Variants in MAP3K8 observed in about 807,000 individuals in gnomAD.
MAP3K8 encodes the protein mitogen-activated protein kinase kinase kinase 8.
In MAP3K8, 22 loss-of-function variants were observed where a neutral mutation model predicts 45.8. That is an observed-to-expected ratio of 0.48 (90% confidence interval 0.34 to 0.69). The LOEUF (loss-of-function observed/expected upper bound fraction) is 0.69, where lower values mean the gene tolerates loss of function less well. MAP3K8 is among the 30% of genes least tolerant of loss of function. The pLI, the probability that MAP3K8 is intolerant of heterozygous loss-of-function variation, is 0.01. For missense variants in MAP3K8, 419 were observed against 585.0 expected (o/e 0.72, Z 2.93); for synonymous variants, 223 against 214.3 (o/e 1.04, Z -0.36).
At chr10:30,442,912 G>A (rs1404665404) in intron 3 of MAP3K8, among the ~76,000 whole-genome samples, 3 of 152,110 alleles carry the variant, frequency 2.0e-5, no homozygotes, top group Non-Finnish European at 4.4e-5. Flanking sequence ...AAATCACCCT[G>A]TTCATCATCT....
intron 1 of MAP3K8, chr10:30,434,607 C>G: frequency 1.0e-6 from 1 of 985,946 alleles, no homozygotes; most frequent in South Asian, 4.7e-5. Context: ...CGCGACTCCT[C>G]CCCCTTCCTC....
chr10:30,445,094 C>T (rs1043672449), intron 3 of MAP3K8, among the ~76,000 whole-genome samples: 1 of 152,180 alleles, frequency 6.6e-6, no homozygotes, highest in Non-Finnish European at 1.5e-5. Context: ...TAAGAGGACA[C>T]TGGTTCGAGG....
At chr10:30,446,633 T>C (rs1836350054) in intron 3 of MAP3K8, among the ~76,000 whole-genome samples, 1 of 152,114 alleles carries the variant, frequency 6.6e-6, no homozygotes, top group Non-Finnish European at 1.5e-5. Context: ...AAACTGGTAC[T>C]GAGGCGATTT....
intron 3 of MAP3K8, 23 bp from the exon 4 acceptor site, chr10:30,447,759 C>G: frequency 6.2e-7 from 1 of 1,606,988 alleles, no homozygotes; most frequent in African/African-American, 1.3e-5. Flanking sequence ...TTCTCACCGT[C>G]TCACATTTTT....
rs1286537876 is a variant in MAP3K8, at chr10:30,460,698, C to T, written c.1274-8C>T. On this transcript the variant is annotated splice_polypyrimidine_tract_variant and splice_region_variant and intron_variant, in intron 8 of 8. Transcript: ENST00000263056. ...TTGTTACTTACTTTGTAATGTTTTC[C>T]TTTTCAGATTCTTCGTGCACAGGAA... 3.8e-6 allele frequency: 6 copies of T among 1,598,166 alleles called. No homozygotes were observed. The African/African-American group carries it at 5.4e-5, about 14-fold the overall frequency.
chr10:30,458,901 C>G lies in MAP3K8; in HGVS notation c.1027-354C>G, dbSNP rs372942590. On this transcript the variant is annotated intron_variant, in intron 7 of 8. Coordinates refer to ENST00000263056, the MANE Select transcript of MAP3K8 (RefSeq NM_005204.4). ...ACCAGCCTGGGCAACAAAGCAAGACCCCATCGCTACAAAAAATTAAAAAAA... is the reference window on the plus strand; with the variant it reads ...ACCAGCCTGGGCAACAAAGCAAGACGCCATCGCTACAAAAAATTAAAAAAA... 1.7e-4 allele frequency among the ~76,000 whole-genome samples: 26 copies of G among 152,168 alleles called. No individual in the cohort carries two copies. The East Asian group carries it at 3.1e-3, about 18-fold the overall frequency.
At position 30,460,829 on chromosome 10, in the gene MAP3K8, A is replaced by G. The variant is rs753558022; in HGVS notation, c.1397A>G (p.Tyr466Cys). 3.1e-6 allele frequency: 5 copies of G among 1,613,496 alleles called. No homozygotes were observed. Among genetic ancestry groups the G allele is most frequent in the South Asian group, 1.1e-5 (1 of 91,068 alleles). Reference protein sequence around the residue: ...NLVRGPPTLEYG With the variant: ...NLVRGPPTLECG ...GTTCGGGGACCACCAACGCTTGAATATGGCTGAAGGATGCCATGTTTGCTC... is the reference window on the plus strand; with the variant it reads ...GTTCGGGGACCACCAACGCTTGAATGTGGCTGAAGGATGCCATGTTTGCTC... Residue 466 changes from tyrosine to cysteine, a missense_variant, in exon 9 of 9, where the codon TAT becomes TGT. Tyr to Cys is a radical substitution (Grantham distance 194). Transcript: ENST00000263056.
At chr10:30,437,700 G>A (rs547914377) in intron 2 of MAP3K8, among the ~76,000 whole-genome samples, 9 of 152,326 alleles carry the variant, frequency 5.9e-5, no homozygotes, top group Middle Eastern at 3.4e-3. Context: ...TGGGTCATGC[G>A]TGCAGGTGGC....
chr10:30,438,777 C>A lies in MAP3K8; in HGVS notation c.-23-139C>A, dbSNP rs530620103. ...TCTGCACTGTCAACTTGAATTCATA[C>A]ACACAGTTGACACAGAACCCTCGTT... On this transcript the variant is annotated intron_variant, in intron 2 of 8. Coordinates refer to ENST00000263056, the MANE Select transcript of MAP3K8 (RefSeq NM_005204.4). The A allele has an allele frequency of 3.4e-5, 20 of 583,870 alleles. 1 individual carries two copies. The South Asian group carries it at 3.8e-4, about 11-fold the overall frequency. The allele number at this position is 583,870 out of a possible 1,614,324, so 36.2% of individuals were successfully genotyped here. A position where few individuals can be genotyped will look rare whatever the true frequency, so the allele number is the denominator to read the frequency against.
chr10:30,441,212 C>T (rs367628038), intron 3 of MAP3K8, among the ~76,000 whole-genome samples: 3 of 151,228 alleles, frequency 2.0e-5, no homozygotes, highest in Non-Finnish European at 2.9e-5. Context: ...GCTGGAGTGC[C>T]GTGGCGCAAT....
chr10:30,458,654 C>G (rs557416460), intron 7 of MAP3K8, among the ~76,000 whole-genome samples: 1 of 152,190 alleles, frequency 6.6e-6, no homozygotes, highest in African/African-American at 2.4e-5. Flanking sequence ...AATTCAGGAG[C>G]AGACACTTCC....
rs776014707 is a variant in MAP3K8 at position 30,439,009 on chromosome 10, C to T, written c.71C>T (p.Ser24Phe). Residue 24 changes from serine (S) to phenylalanine (F), a missense_variant, in exon 3 of 9, where the codon TCT (serine) becomes TTT (phenylalanine). By Grantham distance (155) the Ser-to-Phe change is radical. This residue lies in a region of MAP3K8 where 102 missense variants were observed against 93.5 expected (regional missense o/e 1.09). Transcript: ENST00000263056. ...IDLLIKHLNV[S>F]DVIDIMENLY... Reference sequence around the variant, plus strand: ...TTATTAATTAAACATTTAAATGTGTCTGATGTAATAGACATTATGGAAAAT... The same window carrying T: ...TTATTAATTAAACATTTAAATGTGTTTGATGTAATAGACATTATGGAAAAT... 23 of 1,612,272 alleles carry T rather than the reference C, an allele frequency of 1.4e-5. No individual in the cohort carries two copies. The highest frequency in any genetic ancestry group is 1.9e-5 in the Non-Finnish European group (22 of 1,178,420).
intron 1 of MAP3K8, 47 bp downstream of exon 1, chr10:30,434,425 C>G: frequency 1.0e-6 from 1 of 984,224 alleles, no homozygotes; most frequent in Non-Finnish European, 1.2e-6. Flanking sequence ...GGTCGCGTCC[C>G]GCCTGGGTGC....
At chr10:30,441,401 C>T (rs1212194455) in intron 3 of MAP3K8, among the ~76,000 whole-genome samples, 3 of 152,210 alleles carry the variant, frequency 2.0e-5, no homozygotes, top group African/African-American at 7.2e-5. Context: ...AGGTGATCCA[C>T]CTGCCTTGGC....
chr10:30,435,442 A>T (rs561314087), intron 1 of MAP3K8, among the ~76,000 whole-genome samples: 7 of 152,310 alleles, frequency 4.6e-5, no homozygotes, highest in Non-Finnish European at 1.0e-4. Flanking sequence ...CCTTCCTTCC[A>T]TACGCCTGAA....
intron 2 of MAP3K8, among the ~76,000 whole-genome samples, chr10:30,438,441 C>CTAACTTGGCAAATAA (rs1218772908): frequency 1.3e-5 from 2 of 152,162 alleles, no homozygotes; most frequent in African/African-American, 2.4e-5. Context: ...TTAGCTCCTG[C>CTAACTTGGCAAATAA]ATTTAGTGAA....
intron 2 of MAP3K8, chr10:30,438,699 G>C: frequency 2.5e-6 from 1 of 400,606 alleles, no homozygotes; most frequent in Non-Finnish European, 4.6e-6. Context: ...TGGATCTCAG[G>C]TTTCCCTCTG....
At chr10:30,453,915 A>AGAAGGAAGGAAG (rs56017896) in intron 6 of MAP3K8, among the ~76,000 whole-genome samples, 1,712 of 129,132 alleles carry the variant, frequency 0.013, 35 homozygotes, top group African/African-American at 0.045. Flanking sequence ...AGGGAGAGAG[A>AGAAGGAAGGAAG]GAAGGAAGGA....
chr10:30,460,994 G>A lies in MAP3K8; in HGVS notation c.*158G>A, dbSNP rs889478643. 5.2e-6 allele frequency: 4 copies of A among 771,036 alleles called. No homozygotes were observed. Among genetic ancestry groups the A allele is most frequent in the Admixed American group, 3.1e-5 (1 of 32,222 alleles). The allele number at this position is 771,036 out of a possible 1,614,324, so 47.8% of individuals were successfully genotyped here. On this transcript the variant is annotated 3_prime_UTR_variant, in exon 9 of 9. Coordinates refer to ENST00000263056, the MANE Select transcript of MAP3K8 (RefSeq NM_005204.4). ...AATGTGCCTCCAAGCGGCCCTGTGT[G>A]TTTGACATGTGAAGCTATTTGATAT...
Sources: allele counts gnomAD v4.1 joint callset (sites outside exome capture counted in the v4.1 genomes callset), GRCh38; gene constraint gnomAD v4.1.1; regional missense constraint gnomAD v4.1.1; transcripts MANE v1.5; gene names NCBI Gene and HGNC (gene_info 2026-07-23, HGNC 2026-07-21).